The following NPEPPS variants were observed in gnomAD, a reference collection of about 807,000 sequenced individuals.
NPEPPS encodes aminopeptidase puromycin sensitive.
In NPEPPS, 14 loss-of-function variants were observed where a neutral mutation model predicts 115.5. The observed-to-expected ratio is 0.12, with a 90% CI of 0.08 to 0.19. The LOEUF is 0.19. Among genes scored for constraint, NPEPPS ranks in the 10% least tolerant of loss-of-function variants. The pLI, the probability that NPEPPS is intolerant of heterozygous loss-of-function variation, is 1.00. For missense variants in NPEPPS, 523 were observed against 1,110.8 expected (o/e 0.47, Z 7.52); for synonymous variants, 285 against 390.6 (o/e 0.73, Z 3.19).
At chr17:47,589,184 C>G (rs1322129725) in intron 9 of NPEPPS, among the ~76,000 whole-genome samples, 2 of 151,338 alleles carry the variant, frequency 1.3e-5, no homozygotes, top group African/African-American at 4.9e-5. Context: ...TGGGCTCAAG[C>G]AATCCTCCCA....
At chr17:47,558,473 A>G (rs1167146868) in intron 2 of NPEPPS, among the ~76,000 whole-genome samples, 2 of 151,766 alleles carry the variant, frequency 1.3e-5, no homozygotes, top group East Asian at 1.9e-4. Context: ...TCTGTCACCC[A>G]TGCTGGAGTG....
At chr17:47,560,860 C>A (rs1194462781) in intron 2 of NPEPPS, among the ~76,000 whole-genome samples, 1 of 152,156 alleles carries the variant, frequency 6.6e-6, no homozygotes, top group African/African-American at 2.4e-5. Context: ...TGATCTAGTA[C>A]TGAGCTACAC....
intron 19 of NPEPPS, among the ~76,000 whole-genome samples, chr17:47,615,457 T>G (rs1008047814): frequency 1.3e-5 from 2 of 152,160 alleles, no homozygotes; most frequent in Non-Finnish European, 2.9e-5. Flanking sequence ...CTCAGGAGGC[T>G]GAGGCAGGAG....
intron 1 of NPEPPS, among the ~76,000 whole-genome samples, chr17:47,536,767 A>G (rs1908330193): frequency 7.6e-6 from 1 of 132,288 alleles, no homozygotes; most frequent in Non-Finnish European, 1.5e-5. Flanking sequence ...GCTGGAGTGC[A>G]ATGGCGCGAT....
intron 4 of NPEPPS, chr17:47,580,962 T>C (rs1911838914): frequency 6.6e-6 from 1 of 152,046 alleles, no homozygotes; most frequent in African/African-American, 2.4e-5. Context: ...GGTTCTTTCT[T>C]ACATTCTTAT....
At chr17:47,536,386 C>CTT (rs1204179908) in intron 1 of NPEPPS, among the ~76,000 whole-genome samples, 4 of 126,668 alleles carry the variant, frequency 3.2e-5, no homozygotes, top group African/African-American at 5.7e-5. Flanking sequence ...CATATTTTCT[C>CTT]TCTTTTTTTT....
chr17:47,582,676 A>G, intron 4 of NPEPPS, 66 bp from the exon 5 acceptor site: 2 of 914,406 alleles, frequency 2.2e-6, no homozygotes, highest in Non-Finnish European at 3.6e-6. Context: ...GGAAATGGTG[A>G]CTGCTTTATG....
chr17:47,569,229 A>G (rs550289269), intron 2 of NPEPPS, among the ~76,000 whole-genome samples, 188 bp from the exon 3 acceptor site: 30 of 152,224 alleles, frequency 2.0e-4, no homozygotes, highest in Non-Finnish European at 3.4e-4. Flanking sequence ...TTTAAGGAGC[A>G]TATTTAATGT....
rs750199284 is a variant in NPEPPS, at chr17:47,619,177, CTT to C, written c.2559+15_2559+16del. On this transcript the variant is annotated intron_variant, in intron 21 of 22. Transcript: ENST00000322157. ...CAGACTAATAAAGGTATGTGAAAAA[CTT>C]TGAGTAGCTTGCTAATCATGGATAT... 20 of 1,602,816 alleles carry C rather than the reference CTT, an allele frequency of 1.2e-5. No homozygotes were observed. In the South Asian group the frequency reaches 1.8e-4, roughly 14 times the overall value.
At chr17:47,588,291 G>A (rs999712474) in intron 9 of NPEPPS, among the ~76,000 whole-genome samples, 1 of 152,178 alleles carries the variant, frequency 6.6e-6, no homozygotes, top group Non-Finnish European at 1.5e-5. Flanking sequence ...GCCGGGCACG[G>A]TGGCTCACGC....
intron 4 of NPEPPS, chr17:47,581,915 C>CT (rs1911904057): frequency 6.6e-6 from 1 of 152,158 alleles, no homozygotes; most frequent in South Asian, 2.1e-4. Flanking sequence ...AGGCTGGTCT[C>CT]TAACTCCTGA....
chr17:47,552,656 T>A (rs1211698602), intron 2 of NPEPPS, among the ~76,000 whole-genome samples: 2 of 152,202 alleles, frequency 1.3e-5, no homozygotes, highest in East Asian at 3.8e-4. Flanking sequence ...CTTAAGGTGA[T>A]ATGGATTGCT....
chr17:47,557,457 C>T (rs1910127012), intron 2 of NPEPPS: 1 of 147,934 alleles, frequency 6.8e-6, no homozygotes, highest in Non-Finnish European at 1.5e-5. Flanking sequence ...CAATCATAGC[C>T]AGTTACAGAT....
intron 19 of NPEPPS, among the ~76,000 whole-genome samples, chr17:47,617,660 G>A (rs751659023): frequency 6.6e-6 from 1 of 152,002 alleles, no homozygotes; most frequent in Non-Finnish European, 1.5e-5. Context: ...TTAATTTGAT[G>A]ATCTGGTATA....
At chr17:47,605,855 T>G (rs1597884192) in intron 17 of NPEPPS, among the ~76,000 whole-genome samples, 1 of 152,274 alleles carries the variant, frequency 6.6e-6, no homozygotes, top group East Asian at 1.9e-4. Flanking sequence ...AATTTTAGGT[T>G]GTTTTGTTTT....
intron 3 of NPEPPS, among the ~76,000 whole-genome samples, chr17:47,571,640 C>T (rs1597850214): frequency 6.6e-6 from 1 of 152,184 alleles, no homozygotes; most frequent in East Asian, 1.9e-4. Context: ...ATGGCGTGAA[C>T]CCGGGAGGTG....
intron 2 of NPEPPS, among the ~76,000 whole-genome samples, chr17:47,564,540 G>C (rs1910669188): frequency 6.6e-6 from 1 of 151,620 alleles, no homozygotes; most frequent in Non-Finnish European, 1.5e-5. Flanking sequence ...ATAGTGAAGT[G>C]TCTATGTACA....
intron 3 of NPEPPS, among the ~76,000 whole-genome samples, chr17:47,570,153 G>A (rs1430305509): frequency 6.6e-6 from 1 of 152,142 alleles, no homozygotes; most frequent in African/African-American, 2.4e-5. Flanking sequence ...CGGGCATGGT[G>A]GCTCACACCT....
upstream of NPEPPS, chr17:47,530,943 G>C (rs2143645355): frequency 1.3e-5 from 2 of 151,490 alleles, no homozygotes; most frequent in East Asian, 4.0e-4. Context: ...GCGCCGACAG[G>C]TGCAGCGCCC....
Sources: allele counts gnomAD v4.1 joint callset (sites outside exome capture counted in the v4.1 genomes callset), GRCh38; gene constraint gnomAD v4.1.1; transcripts MANE v1.5; gene names NCBI Gene and HGNC (gene_info 2026-07-23, HGNC 2026-07-21).